Variants in ZNF676 observed in about 807,000 individuals in gnomAD.
The protein encoded by ZNF676 is zinc finger protein 676.
ZNF676 carries 4 observed loss-of-function variants against 6.0 expected under a neutral mutation model. The ratio of observed to expected loss-of-function variants is 0.67; its 90% confidence interval spans 0.33 to 1.53. The LOEUF (loss-of-function observed/expected upper bound fraction) is 1.53. ZNF676 is among the 40% of genes most tolerant of loss of function. The pLI, the probability that ZNF676 is intolerant of heterozygous loss-of-function variation, is 0.06. For missense variants in ZNF676, 644 were observed against 679.7 expected (o/e 0.95, Z 0.58); for synonymous variants, 198 against 223.1 (o/e 0.89, Z 1.00).
the ZNF676 span, among the ~76,000 whole-genome samples, chr19:22,238,950 C>A: frequency 6.6e-6 from 1 of 152,190 alleles, no homozygotes; most frequent in Admixed American, 6.5e-5. Context: ...AGCCAACTGA[C>A]TCAGTTGTTA....
chr19:22,207,565 A>AT (rs1471015612), intron 1 of ZNF676, among the ~76,000 whole-genome samples: 5 of 152,172 alleles, frequency 3.3e-5, no homozygotes, highest in African/African-American at 9.6e-5. Context: ...AACCACCAAA[A>AT]TATTTTTTAA....
the ZNF676 span, among the ~76,000 whole-genome samples, chr19:22,253,397 ATAATGTG>A: frequency 0.026 from 1,043 of 40,006 alleles, 13 homozygotes; most frequent in African/African-American, 0.049. Context: ...TATATATATG[ATAATGTG>A]TATATATATA....
the ZNF676 span, among the ~76,000 whole-genome samples, chr19:22,252,610 T>A: frequency 6.6e-6 from 1 of 152,154 alleles, no homozygotes. Flanking sequence ...ATATCACCCA[T>A]GTGAGGGACC....
chr19:22,238,736 C>T, the ZNF676 span, among the ~76,000 whole-genome samples: 1 of 152,126 alleles, frequency 6.6e-6, no homozygotes, highest in Non-Finnish European at 1.5e-5. Context: ...GGCTGAGAAT[C>T]AAGGAGAGCC....
chr19:22,193,869 C>T (rs2023940077), intron 1 of ZNF676, among the ~76,000 whole-genome samples: 1 of 152,098 alleles, frequency 6.6e-6, no homozygotes, highest in African/African-American at 2.4e-5. Flanking sequence ...TAATGGAGTG[C>T]AAAGCCCATT....
chr19:22,194,158 C>T (rs114174885), intron 1 of ZNF676, among the ~76,000 whole-genome samples: 1 of 152,264 alleles, frequency 6.6e-6, no homozygotes, highest in African/African-American at 2.4e-5. Flanking sequence ...GCCAAGCATG[C>T]TTGGAGCACA....
the ZNF676 span, among the ~76,000 whole-genome samples, chr19:22,230,619 T>C: frequency 1.3e-5 from 2 of 150,928 alleles, no homozygotes; most frequent in Admixed American, 6.7e-5. Context: ...TATATGTATG[T>C]ATATTATATA....
At chr19:22,182,654 T>C (rs1301997345) in intron 2 of ZNF676, among the ~76,000 whole-genome samples, 1 of 107,520 alleles carries the variant, frequency 9.3e-6, no homozygotes, top group African/African-American at 3.8e-5. Context: ...TCAGCAAATC[T>C]GTCCTGCCTA....
the ZNF676 span, among the ~76,000 whole-genome samples, chr19:22,241,999 C>A: frequency 1.3e-5 from 2 of 151,890 alleles, no homozygotes; most frequent in South Asian, 4.1e-4. Flanking sequence ...TGATGACACT[C>A]TCTGTATCAC....
the ZNF676 span, among the ~76,000 whole-genome samples, chr19:22,240,614 T>C: frequency 6.6e-6 from 1 of 151,888 alleles, no homozygotes; most frequent in Non-Finnish European, 1.5e-5. Flanking sequence ...ACCAACAAGG[T>C]GAAGCCCCAT....
chr19:22,180,566 T>C lies in ZNF676; in HGVS notation c.1151A>G (p.Lys384Arg). 6.2e-7 allele frequency: 1 copy of C among 1,613,034 alleles called. No homozygotes were observed. The highest frequency in any genetic ancestry group is 8.5e-7 in the Non-Finnish European group (1 of 1,179,762). ...GGGCTTCTCTTCAGCATGAATTGCC[T>C]TATGTGTATTAAGGGTTGAGACCTT... is the stretch of plus-strand genomic sequence containing the variant. The part of the protein sequence containing the change: ...FSKVSTLNTH[K>R]AIHAEEKPYK... The change falls in exon 3 of 3, where the codon AAG (lysine) becomes AGG (arginine). Residue 384 changes from lysine to arginine, a missense_variant. Transcript: ENST00000397121.
the ZNF676 span, among the ~76,000 whole-genome samples, chr19:22,255,974 T>C: frequency 6.6e-6 from 1 of 152,208 alleles, no homozygotes. Flanking sequence ...AATTGCAGTC[T>C]GTCCACCTGT....
At chr19:22,228,017 C>G in the ZNF676 span, among the ~76,000 whole-genome samples, 1 of 152,170 alleles carries the variant, frequency 6.6e-6, no homozygotes, top group African/African-American at 2.4e-5. Context: ...GGGCCAGCAT[C>G]ATCCTGATAC....
At chr19:22,242,843 T>C in the ZNF676 span, among the ~76,000 whole-genome samples, 10 of 135,256 alleles carry the variant, frequency 7.4e-5, no homozygotes, top group South Asian at 2.1e-4. Flanking sequence ...TTACCCAAGT[T>C]GGGGGGGGGC....
intron 2 of ZNF676, among the ~76,000 whole-genome samples, chr19:22,188,174 TGG>T: frequency 6.6e-6 from 1 of 151,842 alleles, no homozygotes; most frequent in East Asian, 1.9e-4. Flanking sequence ...AAGATCAAGT[TGG>T]CTTCATCCCT....
intron 1 of ZNF676, among the ~76,000 whole-genome samples, chr19:22,213,952 T>C (rs1464102637): frequency 6.6e-6 from 1 of 152,194 alleles, no homozygotes; most frequent in Admixed American, 6.5e-5. Flanking sequence ...AAGATATCTG[T>C]GTCTAGGGAA....
the ZNF676 span, among the ~76,000 whole-genome samples, chr19:22,252,448 A>AG: frequency 6.7e-6 from 1 of 148,804 alleles, no homozygotes; most frequent in East Asian, 2.0e-4. Context: ...AAAAAAAAAA[A>AG]GAAGAGTCAA....
At chr19:22,188,056 C>T (rs1484790900) in intron 2 of ZNF676, among the ~76,000 whole-genome samples, 1 of 151,794 alleles carries the variant, frequency 6.6e-6, no homozygotes, top group Non-Finnish European at 1.5e-5. Context: ...AGAGACACAA[C>T]AAAAAAAGAA....
chr19:22,249,776 A>G, the ZNF676 span, among the ~76,000 whole-genome samples: 14 of 150,848 alleles, frequency 9.3e-5, no homozygotes, highest in African/African-American at 3.2e-4. Context: ...TTTTTTTTTT[A>G]AAGCACAGAT....
Sources: gnomAD v4.1 joint callset for allele counts (sites outside exome capture counted in the v4.1 genomes callset) on GRCh38, gnomAD v4.1.1 for gene constraint, MANE v1.5 for transcripts, NCBI Gene and HGNC (gene_info 2026-07-23, HGNC 2026-07-21) for gene names.